Variants in TOP1 observed in about 807,000 individuals in gnomAD.
TOP1 encodes DNA topoisomerase 1.
TOP1 carries 10 observed loss-of-function variants against 111.1 expected under a neutral mutation model. The observed-to-expected ratio is 0.09, with a 90% confidence interval of 0.06 to 0.15. The LOEUF is 0.15. TOP1 is among the 10% of genes least tolerant of loss of function. The pLI is 1.00. For missense variants in TOP1, 474 were observed against 926.7 expected (o/e 0.51, Z 6.34); for synonymous variants, 271 against 302.9 (o/e 0.89, Z 1.10).
chr20:41,121,795 G>A lies in TOP1; in HGVS notation c.2045+5G>A. On this transcript the variant is annotated splice_donor_5th_base_variant and intron_variant, in intron 19 of 20. Transcript: ENST00000361337. The surrounding 1 kb of genome is among the most constrained non-coding windows in gnomAD (Gnocchi z 4.2). The stretch of plus-strand genomic sequence containing the variant: ...GAAGGATGCAAAGACGAAGAAGTAT[G>A]TACCTGGTATTGTGAAAGTTGGGGC... 6.2e-7 allele frequency: 1 copy of A among 1,613,430 alleles called. No homozygotes were observed.
intron 2 of TOP1, among the ~76,000 whole-genome samples, chr20:41,035,765 T>C (rs1029841535): frequency 1.1e-4 from 16 of 152,338 alleles, no homozygotes; most frequent in Middle Eastern, 3.4e-3. Flanking sequence ...TTTTTCCCCT[T>C]AGTAGAAGTC....
At chr20:41,053,328 C>T (rs1040163117) in intron 2 of TOP1, among the ~76,000 whole-genome samples, 3 of 152,112 alleles carry the variant, frequency 2.0e-5, no homozygotes, top group African/African-American at 7.2e-5. Context: ...CTCCTAACTG[C>T]CACTCTTGGA....
At position 41,069,560 on chromosome 20, in the gene TOP1, C is replaced by G. The variant is rs1013196360; in HGVS notation, c.156-6611C>G. On this transcript the variant is annotated intron_variant, in intron 3 of 20. Transcript: ENST00000361337. This position sits in a 1 kb window ranked among gnomAD's most constrained non-coding sequence, Gnocchi z 4.1. ...GGTCAAGGGTTGATAACAGTACCTG[C>G]TTTATCAATCTTTCAAGTTTGTTTA... Among the ~76,000 whole-genome samples, 4 of 152,178 alleles carry G rather than the reference C, an allele frequency of 2.6e-5. No individual in the cohort carries two copies. Among genetic ancestry groups the G allele is most frequent in the African/African-American group, 9.7e-5 (4 of 41,446 alleles).
At position 41,028,839 on chromosome 20, in the gene TOP1, T is replaced by A; in HGVS notation, c.-229T>A. The A allele has an allele frequency of 3.8e-6, 2 of 528,730 alleles. No homozygotes were observed. The highest frequency in any genetic ancestry group is 4.6e-5 in the South Asian group (2 of 43,412). 32.8% of individuals were successfully genotyped at this position (528,730 alleles called of 1,614,324 possible). A position where few individuals can be genotyped will look rare whatever the true frequency, so the allele number is the denominator to read the frequency against. On this transcript the variant is annotated 5_prime_UTR_variant, in exon 1 of 21. Coordinates refer to ENST00000361337, the MANE Select transcript of TOP1 (RefSeq NM_003286.4). The stretch of plus-strand genomic sequence containing the variant: ...AGTGAGCCCAAATGCGAACTTAGGC[T>A]GTTACACAACTGCTGGGGTCTGTTC...
Position 41,118,408 on chromosome 20 carries a change from T to C in TOP1, c.1950+112T>C. ...CCAGTGCTGGGTCTGTTGTAGAAGG[T>C]CTATGCTAAAGATAAACAAATGGAA... is the stretch of plus-strand genomic sequence containing the variant. On this transcript the variant is annotated intron_variant, in intron 18 of 20. Coordinates refer to ENST00000361337, the MANE Select transcript of TOP1 (RefSeq NM_003286.4). This position sits in a 1 kb window ranked among gnomAD's most constrained non-coding sequence, Gnocchi z 4.6. The C allele has an allele frequency of 7.9e-7, 1 of 1,270,798 alleles. No individual in the cohort carries two copies. The highest frequency in any genetic ancestry group is 1.5e-5 in the South Asian group (1 of 68,022). The allele number at this position is 1,270,798 out of a possible 1,614,324, so 78.7% of individuals were successfully genotyped here.
In TOP1 at chr20:41,058,134, A is replaced by G. The variant is rs1250340157; in HGVS notation, c.59-3260A>G. Among the ~76,000 whole-genome samples, 2 of 152,228 alleles carry G rather than the reference A, an allele frequency of 1.3e-5. No individual in the cohort carries two copies. The highest frequency in any genetic ancestry group is 6.5e-5 in the Admixed American group (1 of 15,286). On this transcript the variant is annotated intron_variant, in intron 2 of 20. Transcript: ENST00000361337. The surrounding 1 kb of genome is among the most constrained non-coding windows in gnomAD (Gnocchi z 4.2). The stretch of plus-strand genomic sequence containing the variant: ...ATGGGAATTTCTTACAGTTAGTACT[A>G]CGGTCATGCAGATTTCTATTTTCCC...
intron 3 of TOP1, chr20:41,073,535 G>C: frequency 1.1e-6 from 1 of 930,056 alleles, no homozygotes; most frequent in East Asian, 1.2e-4. Context: ...CACCATGGCT[G>C]TTTCTTAACA....
intron 2 of TOP1, among the ~76,000 whole-genome samples, chr20:41,048,110 AT>A (rs976230626): frequency 2.0e-5 from 3 of 151,276 alleles, no homozygotes; most frequent in African/African-American, 7.3e-5. Flanking sequence ...AAAAAAAAAA[AT>A]TCCCCAGAGG....
At chr20:41,045,216 A>G (rs966476990) in intron 2 of TOP1, among the ~76,000 whole-genome samples, 2 of 152,320 alleles carry the variant, frequency 1.3e-5, no homozygotes, top group South Asian at 4.1e-4. Flanking sequence ...ACAGCTCTAG[A>G]TAAAATTTAG....
intron 2 of TOP1, among the ~76,000 whole-genome samples, chr20:41,047,463 G>A (rs1191477576): frequency 6.6e-6 from 1 of 152,212 alleles, no homozygotes; most frequent in African/African-American, 2.4e-5. Context: ...ATCTAGGTTT[G>A]TGTAAGCACA....
chr20:41,097,474 G>C lies in TOP1; in HGVS notation c.852+133G>C, dbSNP rs1324892015. The C allele has an allele frequency of 1.1e-6, 1 of 918,864 alleles. No individual in the cohort carries two copies. Among genetic ancestry groups the C allele is most frequent in the Non-Finnish European group, 1.6e-6 (1 of 629,202 alleles). The allele number at this position is 918,864 out of a possible 1,614,324, so 56.9% of individuals were successfully genotyped here. A position where few individuals can be genotyped will look rare whatever the true frequency, so the allele number is the denominator to read the frequency against. On this transcript the variant is annotated intron_variant, in intron 10 of 20. Transcript: ENST00000361337. This position sits in a 1 kb window ranked among gnomAD's most constrained non-coding sequence, Gnocchi z 4.2. ...TGGATTTTGTTGTATTTAAACTTGC[G>C]TATTTTTTGTCTTCATTTACTATAT... is the stretch of plus-strand genomic sequence containing the variant.
chr20:41,072,434 C>A, intron 3 of TOP1: 3 of 985,380 alleles, frequency 3.0e-6, no homozygotes, highest in Non-Finnish European at 3.6e-6. Flanking sequence ...AAAAGACATA[C>A]ATGTTAGAAA....
chr20:41,072,244 G>C, intron 3 of TOP1: 1 of 985,198 alleles, frequency 1.0e-6, no homozygotes, highest in Non-Finnish European at 1.2e-6. Context: ...TTGACATATT[G>C]TGTCTATTGT....
intron 8 of TOP1, among the ~76,000 whole-genome samples, chr20:41,088,080 C>G (rs138093157): frequency 6.6e-6 from 1 of 152,296 alleles, no homozygotes; most frequent in African/African-American, 2.4e-5. Flanking sequence ...TCTGTTTAAA[C>G]TGAAGTTTAG....
At chr20:41,075,347 A>G (rs1180913463) in intron 3 of TOP1, among the ~76,000 whole-genome samples, 1 of 151,944 alleles carries the variant, frequency 6.6e-6, no homozygotes, top group Admixed American at 6.6e-5. Flanking sequence ...AATTTTTTGT[A>G]TTTTTAGTAG....
chr20:41,122,150 G>T lies in TOP1; in HGVS notation c.2190G>T (p.Val730=), dbSNP rs145596538. The change falls in exon 20 of 21, where the codon GTG becomes GTT. Residue 730 remains valine, a synonymous_variant. Transcript: ENST00000361337. This position sits in a 1 kb window ranked among gnomAD's most constrained non-coding sequence, Gnocchi z 5.4. ...KLNYLDPRIT[V]AWCKKWGVPI... The stretch of plus-strand genomic sequence containing the variant: ...ATTATCTGGACCCTAGGATCACAGT[G>T]GCTTGGTAAGTGTTGAGCCCTCCTT... 63 of 1,614,024 alleles carry T rather than the reference G, an allele frequency of 3.9e-5. 1 individual carries two copies. In the African/African-American group the frequency reaches 8.1e-4, roughly 21 times the overall value.
chr20:41,096,312 C>G (rs946979519), intron 9 of TOP1, among the ~76,000 whole-genome samples: 1 of 152,244 alleles, frequency 6.6e-6, no homozygotes, highest in Non-Finnish European at 1.5e-5. Flanking sequence ...AAGTGATCTG[C>G]CTGCCTCAGC....
At position 41,097,958 on chromosome 20, in the gene TOP1, C is replaced by CT. The variant is rs2034005429; in HGVS notation, c.853-256dup. The stretch of plus-strand genomic sequence containing the variant: ...GCCTGGGGGCTGTGTGCCACGGAGT[C>CT]TAAGAAACCACATAAGAATTCATTT... On this transcript the variant is annotated intron_variant, in intron 10 of 20. Transcript: ENST00000361337. The surrounding 1 kb of genome is among the most constrained non-coding windows in gnomAD (Gnocchi z 4.2). Among the ~76,000 whole-genome samples the CT allele has an allele frequency of 6.6e-6, 1 of 152,116 alleles. No individual in the cohort carries two copies. The highest frequency in any genetic ancestry group is 2.4e-5 in the African/African-American group (1 of 41,430).
chr20:41,120,835 G>A (rs939098217), intron 18 of TOP1, among the ~76,000 whole-genome samples: 3 of 152,084 alleles, frequency 2.0e-5, no homozygotes, highest in East Asian at 1.9e-4. Context: ...TCTGCCTCCC[G>A]GGTTCATGCC....
Sources: gnomAD v4.1 joint callset for allele counts (sites outside exome capture counted in the v4.1 genomes callset) on GRCh38, gnomAD v4.1.1 for gene constraint, Gnocchi (gnomAD v3.1) non-coding constraint, MANE v1.5 for transcripts, NCBI Gene and HGNC (gene_info 2026-07-23, HGNC 2026-07-21) for gene names.